The following CES5A variants were observed in gnomAD, a reference collection of about 807,000 sequenced individuals.
CES5A encodes carboxylesterase 5A, also known as carboxylesterase 5.
Under a neutral mutation model 62.9 loss-of-function variants are expected in CES5A, and 67 were observed. The observed-to-expected ratio is 1.07, with a 90% CI of 0.88 to 1.31. The LOEUF is 1.31. Among genes scored for constraint, CES5A ranks in the 50% most tolerant of loss-of-function variants. CES5A has a pLI of 0.00. For synonymous variants in CES5A, 296 were observed against 280.8 expected (o/e 1.05, Z -0.54); for missense variants, 748 against 708.5 (o/e 1.06, Z -0.63).
At chr16:55,861,365 C>T (rs372065469) in intron 7 of CES5A, 47 bp downstream of exon 7, 55 of 1,013,794 alleles carry the variant, frequency 5.4e-5, no homozygotes, top group African/African-American at 4.1e-4. Context: ...TTCATCTCTC[C>T]GTTCGAAGGG....
chr16:55,860,922 G>A (rs1477068816), intron 7 of CES5A, among the ~76,000 whole-genome samples: 1 of 152,218 alleles, frequency 6.6e-6, no homozygotes, highest in African/African-American at 2.4e-5. Context: ...CCAATTAACT[G>A]TCACTGATTG....
At chr16:55,868,670 G>A (rs2033517231) in intron 4 of CES5A, among the ~76,000 whole-genome samples, 1 of 152,158 alleles carries the variant, frequency 6.6e-6, no homozygotes, top group Admixed American at 6.5e-5. Context: ...AATCATTGCT[G>A]CCTTTACCAT....
intron 7 of CES5A, among the ~76,000 whole-genome samples, chr16:55,860,564 G>T (rs1188620970): frequency 6.6e-6 from 1 of 152,180 alleles, no homozygotes; most frequent in African/African-American, 2.4e-5. Context: ...TAGATGAAGT[G>T]GTCAGGACTG....
At chr16:55,934,465 A>G (rs186021327) in intron 2 of CES5A, among the ~76,000 whole-genome samples, 1 of 152,314 alleles carries the variant, frequency 6.6e-6, no homozygotes, top group African/African-American at 2.4e-5. Flanking sequence ...TGATCCACGG[A>G]CTGGACTTAG....
intron 1 of CES5A, among the ~76,000 whole-genome samples, chr16:55,899,131 C>T (rs1324314030): frequency 1.3e-5 from 2 of 152,130 alleles, no homozygotes; most frequent in Non-Finnish European, 2.9e-5. Context: ...TATCTGGAGA[C>T]CTTTCTGTTT....
At position 55,899,338 on chromosome 16, in the gene CES5A, T is replaced by A. The variant is rs142197663; in HGVS notation, c.-255-25301A>T. On this transcript the variant is annotated intron_variant, in intron 1 of 12. Transcript: ENST00000518005. Reference sequence around the variant, plus strand: ...CCTGGATAAGGTTTCCAAATGAGAATGGCTAGAAAAGCACCTTGCCCTGCT... The same window carrying A: ...CCTGGATAAGGTTTCCAAATGAGAAAGGCTAGAAAAGCACCTTGCCCTGCT... Among the ~76,000 whole-genome samples the A allele has an allele frequency of 2.8e-3, 431 of 152,288 alleles. 3 individuals carry two copies. Among genetic ancestry groups the A allele is most frequent in the African/African-American group, 1.0e-2 (414 of 41,558 alleles).
chr16:55,913,943 G>A (rs997389657), intron 1 of CES5A, among the ~76,000 whole-genome samples: 7 of 152,204 alleles, frequency 4.6e-5, no homozygotes, highest in East Asian at 1.9e-4. Flanking sequence ...CAGTGAGCTG[G>A]CAAGCACAGG....
At chr16:55,858,881 C>G (rs1392889005) in intron 8 of CES5A, among the ~76,000 whole-genome samples, 1 of 152,136 alleles carries the variant, frequency 6.6e-6, no homozygotes, top group Non-Finnish European at 1.5e-5. Flanking sequence ...CAATCACTCC[C>G]TAGAAGAGCG....
chr16:55,856,266 CTGAG>C (rs1177972569), intron 9 of CES5A, 107 bp downstream of exon 9: 11 of 891,736 alleles, frequency 1.2e-5, no homozygotes, highest in Admixed American at 7.0e-5. Context: ...TATTGAATGA[CTGAG>C]TGAGTGAGGA....
At chr16:55,889,132 CAT>C (rs1303470411) in intron 1 of CES5A, among the ~76,000 whole-genome samples, 1 of 148,248 alleles carries the variant, frequency 6.7e-6, no homozygotes, top group Non-Finnish European at 1.5e-5. Context: ...GGGCCTAAGA[CAT>C]AGAAAAAAAA....
chr16:55,900,832 C>T (rs1021326324), intron 1 of CES5A, among the ~76,000 whole-genome samples: 13 of 152,238 alleles, frequency 8.5e-5, no homozygotes, highest in African/African-American at 3.1e-4. Context: ...ACTTAAATCT[C>T]ATCCACTCAG....
chr16:55,901,010 C>A (rs1386032678), intron 1 of CES5A, among the ~76,000 whole-genome samples: 1 of 152,102 alleles, frequency 6.6e-6, no homozygotes, highest in Non-Finnish European at 1.5e-5. Flanking sequence ...AGGCCAGGGG[C>A]CTCATATGGT....
rs765427855 is a variant in CES5A at position 55,846,681 on chromosome 16, T to G, written c.1498A>C (p.Asn500His). 18 of 1,613,744 alleles carry G rather than the reference T, an allele frequency of 1.1e-5. No individual in the cohort carries two copies. In the South Asian group the frequency reaches 1.8e-4, roughly 16 times the overall value. ...AGAGACAGGTCGTTCCCATTAGGAT[T>G]CCTAGAAGGGAGAGCAGAAACAGGG... Reference protein sequence around the residue: ...KYWATFARTGNPNGNDLSLWP... With the variant: ...KYWATFARTGHPNGNDLSLWP... The change falls in exon 13 of 13, where the codon AAT (asparagine) becomes CAT (histidine). Residue 500 changes from asparagine (N) to histidine (H), a missense_variant and splice_region_variant. Asn to His is a moderately conservative substitution (Grantham distance 68, BLOSUM62 1). Coordinates refer to ENST00000290567, the MANE Select transcript of CES5A (RefSeq NM_001143685.2).
rs371125174 is a variant in CES5A, at chr16:55,863,329, G to A, written c.810+19C>T. 3.3e-6 allele frequency: 4 copies of A among 1,229,166 alleles called. No homozygotes were observed. The African/African-American group carries it at 5.9e-5, about 18-fold the overall frequency. The allele number at this position is 1,229,166 out of a possible 1,614,324, so 76.1% of individuals were successfully genotyped here. A position where few individuals can be genotyped will look rare whatever the true frequency, so the allele number is the denominator to read the frequency against. On this transcript the variant is annotated intron_variant, in intron 6 of 12. Coordinates refer to ENST00000290567, the MANE Select transcript of CES5A (RefSeq NM_001143685.2). ...TAACTGAGGAGAGGAAGGTGGCAAGGTGTTAACAGTATACGTACGTCCTCA... is the reference window on the plus strand; with the variant it reads ...TAACTGAGGAGAGGAAGGTGGCAAGATGTTAACAGTATACGTACGTCCTCA...
intron 1 of CES5A, among the ~76,000 whole-genome samples, chr16:55,880,753 G>A (rs1359075697): frequency 1.3e-5 from 2 of 152,190 alleles, no homozygotes; most frequent in Non-Finnish European, 2.9e-5. Flanking sequence ...AAGTATTGTG[G>A]TGATGGCTGC....
At chr16:55,857,313 T>G (rs868415957) in intron 8 of CES5A, among the ~76,000 whole-genome samples, 1 of 152,232 alleles carries the variant, frequency 6.6e-6, no homozygotes, top group Non-Finnish European at 1.5e-5. Flanking sequence ...GCTCTTACAA[T>G]GGTACTTGGT....
chr16:55,924,718 T>C (rs1158645623), intron 1 of CES5A, among the ~76,000 whole-genome samples: 1 of 151,956 alleles, frequency 6.6e-6, no homozygotes, highest in Non-Finnish European at 1.5e-5. Context: ...GGCATAAGAA[T>C]AGACACATAG....
At chr16:55,922,992 T>C (rs2034223477) in intron 1 of CES5A, among the ~76,000 whole-genome samples, 1 of 150,716 alleles carries the variant, frequency 6.6e-6, no homozygotes, top group South Asian at 2.1e-4. Context: ...TTGAAAAAAA[T>C]GAAAATGAAA....
upstream of CES5A, among the ~76,000 whole-genome samples, chr16:55,927,895 G>A (rs1213870925): frequency 6.6e-6 from 1 of 152,098 alleles, no homozygotes; most frequent in Non-Finnish European, 1.5e-5. Flanking sequence ...ACTGACAAGT[G>A]GATAAAAAAA....
Sources: allele counts gnomAD v4.1 joint callset (sites outside exome capture counted in the v4.1 genomes callset), GRCh38; gene constraint gnomAD v4.1.1; transcripts MANE v1.5; gene names NCBI Gene and HGNC (gene_info 2026-07-23, HGNC 2026-07-21).